WDHD1: variants seen among roughly 807,000 people sequenced by gnomAD.
WDHD1 encodes the protein WD repeat and HMG-box DNA-binding protein 1.
Under a neutral mutation model 135.4 loss-of-function variants are expected in WDHD1, and 111 were observed. That is an observed-to-expected ratio of 0.82 (90% CI 0.70 to 0.96). The LOEUF is 0.96. Ranked by LOEUF, WDHD1 falls within the 40% of genes least tolerant of loss-of-function variation. The pLI is 0.00. For missense variants in WDHD1, 1,351 were observed against 1,336.3 expected, an observed-to-expected ratio of 1.01 and a Z score of -0.17; for synonymous variants, 434 against 439.0, an observed-to-expected ratio of 0.99 and a Z score of 0.14.
At chr14:54,998,465 C>G (rs780394975) in intron 10 of WDHD1, among the ~76,000 whole-genome samples, 28 of 152,058 alleles carry the variant, frequency 1.8e-4, no homozygotes, top group Admixed American at 5.2e-4. Context: ...TTGTTTTTAC[C>G]AATGTTACAC....
intron 10 of WDHD1, among the ~76,000 whole-genome samples, chr14:54,999,146 T>C (rs1206275392): frequency 1.3e-5 from 2 of 152,254 alleles, no homozygotes; most frequent in African/African-American, 2.4e-5. Context: ...TGGCTGACAA[T>C]GTTCTGGGAA....
chr14:55,019,866 C>G (rs1370274688), intron 2 of WDHD1, among the ~76,000 whole-genome samples: 1 of 152,132 alleles, frequency 6.6e-6, no homozygotes, highest in African/African-American at 2.4e-5. Context: ...TAGACTCCAT[C>G]TCAACAAAAA....
intron 16 of WDHD1, among the ~76,000 whole-genome samples, chr14:54,975,684 A>T (rs956758734): frequency 2.6e-5 from 4 of 151,952 alleles, no homozygotes; most frequent in South Asian, 2.1e-4. Flanking sequence ...GGAAAATTTT[A>T]TATTGACTTA....
rs776616525 is a variant in WDHD1, at chr14:55,010,466, A to G, written c.190-6T>C. The G allele has an allele frequency of 6.4e-7, 1 of 1,558,964 alleles. No individual in the cohort carries two copies. On this transcript the variant is annotated splice_region_variant and splice_polypyrimidine_tract_variant and intron_variant, in intron 3 of 25. Transcript: ENST00000360586. ...GCAGTGACCAGTTTTCCACTCTAAA[A>G]GAAAAATTAAGGTAAGAAACATTAG...
In WDHD1 at chr14:54,981,651, T is replaced by C; in HGVS notation, c.1952A>G (p.Asn651Ser). 6.2e-7 allele frequency: 1 copy of C among 1,612,046 alleles called. No homozygotes were observed. The highest frequency in any genetic ancestry group is 8.5e-7 in the Non-Finnish European group (1 of 1,178,284). The stretch of plus-strand genomic sequence containing the variant: ...AGTCCACGTATTACCAAGTCCTCTG[T>C]TAAGCATTCGAACAATTCCTTCTGA... ...VDSEGIVRML[N>S]RGLGNTWTPI... Residue 651 changes from asparagine (N) to serine (S), a missense_variant, in exon 16 of 26, where the codon AAC becomes AGC. Physicochemically the swap from Asn to Ser is conservative, Grantham distance 46. Transcript: ENST00000360586.
chr14:54,959,834 C>T (rs1207389409), intron 21 of WDHD1, among the ~76,000 whole-genome samples: 4 of 152,106 alleles, frequency 2.6e-5, no homozygotes, highest in African/African-American at 9.7e-5. Flanking sequence ...TCCATCTAGC[C>T]AATAAAAATT....
rs2040824020 is a variant in WDHD1, at chr14:54,940,643, T to C, written c.*847A>G. 1 of 152,196 alleles carries C rather than the reference T, an allele frequency of 6.6e-6. No individual in the cohort carries two copies. Among genetic ancestry groups the C allele is most frequent in the African/African-American group, 2.4e-5 (1 of 41,460 alleles). 9.4% of individuals were successfully genotyped at this position (152,196 alleles called of 1,614,324 possible). A position where few individuals can be genotyped will look rare whatever the true frequency, so the allele number is the denominator to read the frequency against. ...AGTTAAATACTTTCCATAACTTTGC[T>C]CTCTTCTCAGGCCTTCAAAGTCTTG... On this transcript the variant is annotated 3_prime_UTR_variant, in exon 26 of 26. Transcript: ENST00000360586.
In WDHD1 at chr14:55,008,606, A is replaced by G. The variant is rs2140222051; in HGVS notation, c.453+2T>C. 4 of 1,583,668 alleles carry G rather than the reference A, an allele frequency of 2.5e-6. No homozygotes were observed. In the South Asian group the frequency reaches 4.7e-5, roughly 19 times the overall value. On this transcript the variant is annotated splice_donor_variant, in intron 5 of 25. Coordinates refer to ENST00000360586, the MANE Select transcript of WDHD1 (RefSeq NM_007086.4). LOFTEE classifies it high-confidence loss of function. ...ACAAAAAGAGAAGGAAAAAATAATT[A>G]CCAGAAAGATGTCCTTAGGATCAAA...
chr14:54,941,734 T>C (rs758404036), intron 25 of WDHD1, 44 bp from the exon 26 acceptor site: 1 of 1,510,240 alleles, frequency 6.6e-7, no homozygotes, highest in Non-Finnish European at 9.0e-7. Flanking sequence ...TTTTAGAAAA[T>C]AACAAATAAG....
Position 55,000,498 on chromosome 14 carries a change from T to C in WDHD1, c.942+5A>G, listed in dbSNP as rs1347722725. On this transcript the variant is annotated splice_donor_5th_base_variant and intron_variant, in intron 10 of 25. Coordinates refer to ENST00000360586, the MANE Select transcript of WDHD1 (RefSeq NM_007086.4). ...AAGAAACTGTTGTACCATACTCCCT[T>C]TTACCTTACTGCTTGATGTCTTTCC... 5 of 1,599,826 alleles carry C rather than the reference T, an allele frequency of 3.1e-6. No homozygotes were observed. In the Admixed American group the frequency reaches 6.9e-5, roughly 22 times the overall value.
intron 16 of WDHD1, among the ~76,000 whole-genome samples, 197 bp downstream of exon 16, chr14:54,981,343 A>G (rs1443223898): frequency 6.6e-6 from 1 of 152,174 alleles, no homozygotes; most frequent in Non-Finnish European, 1.5e-5. Context: ...AATTATTTCT[A>G]TTTTGTTCAA....
chr14:55,021,948 G>A (rs1307269759), intron 2 of WDHD1, among the ~76,000 whole-genome samples: 1 of 152,108 alleles, frequency 6.6e-6, no homozygotes, highest in African/African-American at 2.4e-5. Context: ...TCTCTCTACT[G>A]GGGTTCTCTT....
At chr14:54,958,935 ATC>A (rs1258715440) in intron 21 of WDHD1, among the ~76,000 whole-genome samples, 1 of 152,196 alleles carries the variant, frequency 6.6e-6, no homozygotes, top group African/African-American at 2.4e-5. Flanking sequence ...TGATTCAAAT[ATC>A]TGTCTTCACG....
intron 2 of WDHD1, among the ~76,000 whole-genome samples, chr14:55,019,416 T>C (rs905755719): frequency 5.3e-5 from 8 of 152,218 alleles, no homozygotes. Flanking sequence ...TGTATTCACG[T>C]ATTTTGAAGC....
chr14:54,949,103 C>G (rs971275118), intron 24 of WDHD1, among the ~76,000 whole-genome samples: 2 of 152,200 alleles, frequency 1.3e-5, no homozygotes, highest in African/African-American at 4.8e-5. Context: ...ACCTCTCCCC[C>G]CCCAAAGGAA....
In WDHD1 at chr14:54,954,281, C is replaced by T. The variant is rs764864862; in HGVS notation, c.3050+1280G>A. Among the ~76,000 whole-genome samples, 5 of 151,820 alleles carry T rather than the reference C, an allele frequency of 3.3e-5. No homozygotes were observed. In the South Asian group the frequency reaches 6.2e-4, roughly 19 times the overall value. On this transcript the variant is annotated intron_variant, in intron 24 of 25. Coordinates refer to ENST00000360586, the MANE Select transcript of WDHD1 (RefSeq NM_007086.4). ...AGCCTGGGCAACAAGAGCGAAACTC[C>T]GTCTCAGAAAAAATAAATAAATACA...
chr14:54,961,653 G>A (rs1009727914), intron 21 of WDHD1, among the ~76,000 whole-genome samples: 1 of 152,020 alleles, frequency 6.6e-6, no homozygotes, highest in South Asian at 2.1e-4. Flanking sequence ...TGTGTCATAC[G>A]CTCTTTTCAT....
chr14:54,974,928 T>C (rs1185151639), intron 16 of WDHD1, among the ~76,000 whole-genome samples: 1 of 152,246 alleles, frequency 6.6e-6, no homozygotes, highest in Non-Finnish European at 1.5e-5. Flanking sequence ...TGGACCGGAC[T>C]GTCTTCTGCA....
chr14:54,991,716 T>C (rs193079870), intron 11 of WDHD1, among the ~76,000 whole-genome samples: 7 of 152,284 alleles, frequency 4.6e-5, no homozygotes, highest in Middle Eastern at 3.4e-3. Context: ...TTTTTAAAGT[T>C]CTGTGTGCTA....
Sources: gnomAD v4.1 joint callset for allele counts (sites outside exome capture counted in the v4.1 genomes callset) on GRCh38, gnomAD v4.1.1 for gene constraint, MANE v1.5 for transcripts, NCBI Gene and HGNC (gene_info 2026-07-23, HGNC 2026-07-21) for gene names.